Variants in KMT5B observed in about 807,000 individuals in gnomAD.
KMT5B encodes the protein histone-lysine N-methyltransferase KMT5B.
A neutral mutation model predicts 83.2 loss-of-function variants in KMT5B; 10 were observed. The observed-to-expected ratio is 0.12, with a 90% CI of 0.07 to 0.20. KMT5B has a LOEUF of 0.20. KMT5B is among the 10% of genes least tolerant of loss of function. The pLI is 1.00. For missense variants in KMT5B, 753 were observed against 1,067.2 expected (o/e 0.71, Z 4.10); for synonymous variants, 349 against 388.8 (o/e 0.90, Z 1.20).
At chr11:68,199,444 A>C (rs1350102395) in intron 1 of KMT5B, among the ~76,000 whole-genome samples, 1 of 152,146 alleles carries the variant, frequency 6.6e-6, no homozygotes, top group African/African-American at 2.4e-5. Flanking sequence ...AAGGGCAAAC[A>C]CAAGGCCCAG....
intron 4 of KMT5B, chr11:68,176,462 A>C (rs1565231205): frequency 6.6e-6 from 1 of 152,172 alleles, no homozygotes; most frequent in Admixed American, 6.6e-5. Flanking sequence ...TTTAAAAAAA[A>C]GTTTTATTTT....
At chr11:68,200,196 G>A (rs759573128) in intron 1 of KMT5B, among the ~76,000 whole-genome samples, 13 of 152,178 alleles carry the variant, frequency 8.5e-5, no homozygotes, top group Non-Finnish European at 1.6e-4. Context: ...AGGACTCAGT[G>A]CAGATCAATG....
intron 1 of KMT5B, among the ~76,000 whole-genome samples, chr11:68,199,955 G>A (rs528419438): frequency 1.5e-3 from 221 of 152,308 alleles, no homozygotes; most frequent in African/African-American, 5.1e-3. Flanking sequence ...ATTGGCTTCC[G>A]CAAGGACTGC....
intron 9 of KMT5B, among the ~76,000 whole-genome samples, chr11:68,169,575 A>G (rs969160435): frequency 2.0e-5 from 3 of 152,260 alleles, no homozygotes; most frequent in Non-Finnish European, 4.4e-5. Context: ...AGGAAATAAC[A>G]AATTTAGCCT....
chr11:68,174,233 A>C (rs1350255924), intron 5 of KMT5B: 1 of 414,092 alleles, frequency 2.4e-6, no homozygotes, highest in Non-Finnish European at 4.7e-6. Flanking sequence ...TAAAATAAAC[A>C]AAAAAAGTAA....
In KMT5B at chr11:68,173,920, C is replaced by CA. The variant is rs1856078563; in HGVS notation, c.544-8dup. ...TTCGCAAATAAATAAATACCTAAAA[C>CA]AGGAAAAAAAAATTGATAATGACTT... On this transcript the variant is annotated splice_region_variant and splice_polypyrimidine_tract_variant and intron_variant, in intron 5 of 10. Coordinates refer to ENST00000304363, the MANE Select transcript of KMT5B (RefSeq NM_017635.5). 9 of 1,535,860 alleles carry CA rather than the reference C, an allele frequency of 5.9e-6. No individual in the cohort carries two copies. The Admixed American group carries it at 6.0e-5, about 10-fold the overall frequency.
At chr11:68,198,564 A>C (rs553386160) in intron 1 of KMT5B, among the ~76,000 whole-genome samples, 5 of 152,268 alleles carry the variant, frequency 3.3e-5, no homozygotes, top group African/African-American at 1.2e-4. Flanking sequence ...ACAAACACAC[A>C]AGGGTGCAGA....
intron 1 of KMT5B, among the ~76,000 whole-genome samples, chr11:68,207,795 A>C (rs1860331099): frequency 6.7e-6 from 1 of 150,224 alleles, no homozygotes; most frequent in South Asian, 2.1e-4. Flanking sequence ...CATCTCAAAA[A>C]AAAAAAAAAA....
chr11:68,182,963 C>G (rs1352229625), intron 3 of KMT5B, among the ~76,000 whole-genome samples: 2 of 149,340 alleles, frequency 1.3e-5, no homozygotes, highest in Non-Finnish European at 3.0e-5. Context: ...CTTGAACTCC[C>G]GACCTCAGGT....
intron 3 of KMT5B, among the ~76,000 whole-genome samples, chr11:68,182,865 T>C (rs1857075680): frequency 6.6e-6 from 1 of 151,718 alleles, no homozygotes; most frequent in African/African-American, 2.4e-5. Context: ...GCCTCCTGAG[T>C]AGCTGGGAGT....
chr11:68,212,865 C>G (rs1245607619), intron 1 of KMT5B: 1 of 150,782 alleles, frequency 6.6e-6, no homozygotes, highest in Non-Finnish European at 1.5e-5. Flanking sequence ...TCCCCTCGTG[C>G]GGCCGCGGGC....
At position 68,158,878 on chromosome 11, in the gene KMT5B, T is replaced by C. The variant is rs1321509205; in HGVS notation, c.1468A>G (p.Ile490Val). The change falls in exon 11 of 11, where the codon ATT (isoleucine) becomes GTT (valine). Residue 490 changes from isoleucine (I) to valine (V), a missense_variant. Around this residue, in one of 9 missense-constraint regions of KMT5B, gnomAD observed 397 missense variants for 395.9 expected, o/e 1.00. Coordinates refer to ENST00000304363, the MANE Select transcript of KMT5B (RefSeq NM_017635.5). ...CCCTCTGGCTCCTTATCTTTTTTAA[T>C]GGGCAAATTTTTATACAGAACTACT... is the stretch of plus-strand genomic sequence containing the variant. Reference protein sequence around the residue: ...PKVVLYKNLPIKKDKEPEGPA... With the variant: ...PKVVLYKNLPVKKDKEPEGPA... The C allele has an allele frequency of 1.2e-6, 2 of 1,614,204 alleles. No individual in the cohort carries two copies. The highest frequency in any genetic ancestry group is 1.1e-5 in the South Asian group (1 of 91,084).
chr11:68,179,767 G>T, intron 4 of KMT5B: 1 of 563,904 alleles, frequency 1.8e-6, no homozygotes, highest in Non-Finnish European at 2.6e-6. Context: ...AAGTTTAGCT[G>T]CAAATCCACA....
chr11:68,187,738 G>A (rs11228156), intron 2 of KMT5B, among the ~76,000 whole-genome samples: 15,587 of 152,172 alleles, frequency 0.1, 850 homozygotes, highest in East Asian at 0.22. Context: ...GCGTATCAAA[G>A]TCTCCAAATT....
At position 68,158,976 on chromosome 11, in the gene KMT5B, T is replaced by C; in HGVS notation, c.1370A>G (p.His457Arg). The C allele has an allele frequency of 6.2e-7, 1 of 1,612,162 alleles. No homozygotes were observed. The highest frequency in any genetic ancestry group is 8.5e-7 in the Non-Finnish European group (1 of 1,179,624). Reference sequence around the variant, plus strand: ...ATTCTTTTGCTCCAGCCGCTTGCAATGATTTCTCAATTTTATCTTTGAAAG... The same window carrying C: ...ATTCTTTTGCTCCAGCCGCTTGCAACGATTTCTCAATTTTATCTTTGAAAG... ...PLLSKIKLRN[H>R]CKRLEQKNAS... The change falls in exon 11 of 11, where the codon CAT becomes CGT. Residue 457 changes from histidine to arginine, a missense_variant. His to Arg is a conservative substitution (Grantham distance 29). Transcript: ENST00000304363.
rs551494675 is a variant in KMT5B, at chr11:68,172,208, T to C, written c.654-499A>G. On this transcript the variant is annotated intron_variant, in intron 6 of 10. Transcript: ENST00000304363. ...CCACATTGAGAAAGTTAAGTGAATATAGGTGAAATTACTTTAACAATTTAT... is the reference window on the plus strand; with the variant it reads ...CCACATTGAGAAAGTTAAGTGAATACAGGTGAAATTACTTTAACAATTTAT... Among the ~76,000 whole-genome samples the C allele has an allele frequency of 1.7e-3, 255 of 152,272 alleles. 2 individuals carry two copies. Among genetic ancestry groups the C allele is most frequent in the Middle Eastern group, 3.4e-3 (1 of 294 alleles).
intron 1 of KMT5B, among the ~76,000 whole-genome samples, chr11:68,208,584 A>C (rs2153091294): frequency 6.6e-6 from 1 of 152,358 alleles, no homozygotes; most frequent in East Asian, 1.9e-4. Flanking sequence ...GTATGTGGTT[A>C]TCAATCTGAT....
In KMT5B at chr11:68,191,173, T is replaced by TTGTGTGTGTGTGTGTGTGTGTGTGTG. The variant is rs71040600; in HGVS notation, c.-76-1047_-76-1022dup. Among the ~76,000 whole-genome samples the TTGTGTGTGTGTGTGTGTGTGTGTGTG allele has an allele frequency of 4.1e-3, 572 of 139,224 alleles. 3 individuals carry two copies. Among genetic ancestry groups the TTGTGTGTGTGTGTGTGTGTGTGTGTG allele is most frequent in the Middle Eastern group, 7.1e-3 (2 of 282 alleles). 91.3% of individuals were successfully genotyped at this position (139,224 alleles called of 152,430 possible). A position where few individuals can be genotyped will look rare whatever the true frequency, so the allele number is the denominator to read the frequency against. On this transcript the variant is annotated intron_variant, in intron 1 of 10. Transcript: ENST00000304363. ...ACCACATCCAGTTAATTTTAAAACT[T>TTGTGTGTGTGTGTGTGTGTGTGTGTG]TGTGTGTGTGTGTGTGTGTGTGTGT...
intron 10 of KMT5B, among the ~76,000 whole-genome samples, chr11:68,161,217 T>A (rs1318698097): frequency 6.6e-6 from 1 of 152,030 alleles, no homozygotes; most frequent in Non-Finnish European, 1.5e-5. Context: ...AATAAGAAAT[T>A]TAGAAAATAA....
Sources: gnomAD v4.1 joint callset for allele counts (sites outside exome capture counted in the v4.1 genomes callset) on GRCh38, gnomAD v4.1.1 for gene constraint, gnomAD v4.1.1 regional missense constraint, MANE v1.5 for transcripts, NCBI Gene and HGNC (gene_info 2026-07-23, HGNC 2026-07-21) for gene names.